Variants in OLA1 observed in about 807,000 individuals in gnomAD.
The protein encoded by OLA1 is obg-like ATPase 1.
OLA1 carries 14 observed loss-of-function variants against 48.4 expected under a neutral mutation model. The observed-to-expected ratio is 0.29, with a 90% CI of 0.19 to 0.45. The LOEUF (loss-of-function observed/expected upper bound fraction) is 0.45. Among genes scored for constraint, OLA1 ranks in the 20% least tolerant of loss-of-function variants. The pLI is 1.00. For missense variants in OLA1, 325 were observed against 467.1 expected (o/e 0.70, Z 2.80); for synonymous variants, 127 against 150.4 (o/e 0.84, Z 1.14).
rs1449331757 is a variant in OLA1, at chr2:174,163,751, TATATATATATATATATATA to T, written c.374-21770_374-21752del. Among the ~76,000 whole-genome samples, 35 of 42,916 alleles carry T rather than the reference TATATATATATATATATATA, an allele frequency of 8.2e-4. 5 individuals carry two copies. The highest frequency in any genetic ancestry group is 1.5e-3 in the Non-Finnish European group (33 of 21,558). The allele number at this position is 42,916 out of a possible 152,430, so 28.2% of individuals were successfully genotyped here. On this transcript the variant is annotated intron_variant, in intron 4 of 10. Coordinates refer to ENST00000284719, the MANE Select transcript of OLA1 (RefSeq NM_013341.5). ...ATATATATATATATATATATATATA[TATATATATATATATATATA>T]TATATAAATAAATGTTTGGGTGCCT...
chr2:174,152,356 T>C (rs533611557), intron 4 of OLA1, among the ~76,000 whole-genome samples: 2 of 152,078 alleles, frequency 1.3e-5, no homozygotes, highest in South Asian at 2.1e-4. Flanking sequence ...TGGGTGGAGA[T>C]TGGGCCACTG....
chr2:174,170,379 T>C (rs926030223), intron 4 of OLA1, among the ~76,000 whole-genome samples: 1 of 152,174 alleles, frequency 6.6e-6, no homozygotes, highest in Non-Finnish European at 1.5e-5. Context: ...GAATCCAAGA[T>C]GAATATTAAA....
chr2:174,082,101 G>A, intron 7 of OLA1, 37 bp from the exon 8 acceptor site: 1 of 1,607,256 alleles, frequency 6.2e-7, no homozygotes, highest in Non-Finnish European at 8.5e-7. Context: ...ATCTTGTAGT[G>A]CATGCATGAC....
intron 10 of OLA1, among the ~76,000 whole-genome samples, chr2:174,078,234 A>T: frequency 6.6e-6 from 1 of 152,042 alleles, no homozygotes; most frequent in East Asian, 1.9e-4. Context: ...CATTTACTAT[A>T]GTAGTCTTCA....
intron 2 of OLA1, among the ~76,000 whole-genome samples, chr2:174,238,799 T>A (rs1252395672): frequency 2.0e-5 from 3 of 152,142 alleles, no homozygotes; most frequent in Non-Finnish European, 4.4e-5. Flanking sequence ...ACAAATAACA[T>A]ATTGTACTGA....
chr2:174,197,609 C>G (rs1161423059), intron 4 of OLA1, among the ~76,000 whole-genome samples: 4 of 152,140 alleles, frequency 2.6e-5, no homozygotes, highest in Non-Finnish European at 2.9e-5. Context: ...CTAAATGTTC[C>G]TGTACACAAA....
intron 7 of OLA1, among the ~76,000 whole-genome samples, chr2:174,099,893 G>T (rs1389520189): frequency 6.6e-6 from 1 of 152,058 alleles, no homozygotes; most frequent in Non-Finnish European, 1.5e-5. Context: ...CTAATAATTA[G>T]TCTAACAGTT....
chr2:174,191,196 C>A (rs146786702), intron 4 of OLA1, among the ~76,000 whole-genome samples: 1 of 151,826 alleles, frequency 6.6e-6, no homozygotes, highest in African/African-American at 2.4e-5. Context: ...TATACATATA[C>A]GAAAACATCA....
intron 4 of OLA1, among the ~76,000 whole-genome samples, chr2:174,199,079 G>A (rs1468846893): frequency 2.0e-5 from 3 of 146,942 alleles, no homozygotes; most frequent in East Asian, 7.9e-4. Context: ...CGTGCTGGGT[G>A]AGGAAACAGA....
intron 4 of OLA1, among the ~76,000 whole-genome samples, chr2:174,188,538 A>T (rs1347657736): frequency 2.0e-5 from 3 of 152,156 alleles, no homozygotes; most frequent in Non-Finnish European, 4.4e-5. Flanking sequence ...CCCTGAACAC[A>T]TTATCTTTTC....
chr2:174,244,883 C>T (rs143306467), intron 2 of OLA1, among the ~76,000 whole-genome samples: 9,557 of 152,174 alleles, frequency 0.063, 378 homozygotes, highest in Non-Finnish European at 0.095. Context: ...CCACCCACCT[C>T]GGCCTCCCAA....
intron 2 of OLA1, among the ~76,000 whole-genome samples, chr2:174,232,331 A>G (rs1466641734): frequency 6.6e-6 from 1 of 152,076 alleles, no homozygotes; most frequent in Non-Finnish European, 1.5e-5. Context: ...CATCCAAAAC[A>G]TGGGAAAAGA....
intron 2 of OLA1, among the ~76,000 whole-genome samples, chr2:174,239,951 C>CA (rs1164450516): frequency 1.3e-5 from 2 of 151,060 alleles, no homozygotes; most frequent in African/African-American, 2.4e-5. Flanking sequence ...AATCTTGGAC[C>CA]AAAAAAAGGA....
chr2:174,161,829 TAAGAAAAAATTTC>T (rs1466647532), intron 4 of OLA1, among the ~76,000 whole-genome samples: 3 of 151,864 alleles, frequency 2.0e-5, no homozygotes, highest in Admixed American at 6.6e-5. Context: ...TACACTGAAG[TAAGAAAAAATTTC>T]TAGCAATGAA....
At chr2:174,129,294 T>C (rs546788711) in intron 5 of OLA1, among the ~76,000 whole-genome samples, 95 of 151,896 alleles carry the variant, frequency 6.3e-4, no homozygotes, top group Admixed American at 1.2e-3. Context: ...CCGTCTCTAC[T>C]AAAAATACAA....
intron 4 of OLA1, among the ~76,000 whole-genome samples, chr2:174,216,604 G>A (rs7572822): frequency 5.9e-5 from 9 of 152,218 alleles, no homozygotes; most frequent in African/African-American, 1.9e-4. Context: ...CCAGGCTGGA[G>A]TACAGTGGCA....
At chr2:174,096,939 C>T (rs942813119) in intron 7 of OLA1, among the ~76,000 whole-genome samples, 2 of 152,064 alleles carry the variant, frequency 1.3e-5, no homozygotes, top group African/African-American at 4.8e-5. Flanking sequence ...GGGCAGATCA[C>T]GAGGTCAGGA....
chr2:174,173,811 A>T (rs1028540708), intron 4 of OLA1, among the ~76,000 whole-genome samples: 2 of 152,008 alleles, frequency 1.3e-5, no homozygotes, highest in Non-Finnish European at 1.5e-5. Context: ...TCACAAAGGA[A>T]AGAGGAGACA....
At chr2:174,147,986 G>A (rs1315568055) in intron 4 of OLA1, among the ~76,000 whole-genome samples, 2 of 152,164 alleles carry the variant, frequency 1.3e-5, no homozygotes, top group Non-Finnish European at 2.9e-5. Context: ...ACCATGTGTG[G>A]CTTTTCTGTA....
Sources: gnomAD v4.1 joint callset for allele counts (sites outside exome capture counted in the v4.1 genomes callset) on GRCh38, gnomAD v4.1.1 for gene constraint, MANE v1.5 for transcripts, NCBI Gene and HGNC (gene_info 2026-07-23, HGNC 2026-07-21) for gene names.